The following SRBD1 variants were observed in gnomAD, a reference collection of about 807,000 sequenced individuals.
SRBD1 encodes the protein S1 RNA binding domain 1, also known as S1 RNA-binding domain-containing protein 1.
A neutral mutation model predicts 115.3 loss-of-function variants in SRBD1; 88 were observed. That is an observed-to-expected ratio of 0.76 (90% confidence interval 0.64 to 0.91). The LOEUF is 0.91. Ranked by LOEUF, SRBD1 falls within the 40% of genes least tolerant of loss-of-function variation. The pLI is 0.00. For missense variants in SRBD1, 1,385 were observed against 1,177.4 expected, an observed-to-expected ratio of 1.18 and a Z score of -2.58; for synonymous variants, 509 against 407.7, an observed-to-expected ratio of 1.25 and a Z score of -2.99.
At chr2:45,418,902 C>A (rs949621670) in intron 17 of SRBD1, among the ~76,000 whole-genome samples, 4 of 152,044 alleles carry the variant, frequency 2.6e-5, no homozygotes, top group Admixed American at 2.6e-4. Context: ...AGCATACATA[C>A]AAAGTGAGTT....
intron 7 of SRBD1, among the ~76,000 whole-genome samples, chr2:45,576,369 TAAC>T: frequency 6.6e-6 from 1 of 151,502 alleles, no homozygotes; most frequent in Non-Finnish European, 1.5e-5. Context: ...AGTAGGCTAT[TAAC>T]AATTAAGTTT....
intron 14 of SRBD1, among the ~76,000 whole-genome samples, chr2:45,503,590 C>A (rs1670704377): frequency 6.6e-6 from 1 of 152,076 alleles, no homozygotes; most frequent in Non-Finnish European, 1.5e-5. Flanking sequence ...CCAATTCATC[C>A]CTTTCTTAGT....
rs565337116 is a variant in SRBD1 at position 45,607,305 on chromosome 2, C to T, written c.1-1864G>A. 1.5e-3 allele frequency among the ~76,000 whole-genome samples: 227 copies of T among 152,104 alleles called. 1 individual carries two copies. The highest frequency in any genetic ancestry group is 5.4e-3 in the African/African-American group (224 of 41,494). On this transcript the variant is annotated intron_variant, in intron 1 of 20. Coordinates refer to ENST00000263736, the MANE Select transcript of SRBD1 (RefSeq NM_018079.5). ...CAGGGCAGGGTAAAAATGGATTATT[C>T]AATAAATGGTATTGAGACAACTAGC...
chr2:45,555,643 T>A (rs995712479), intron 10 of SRBD1, among the ~76,000 whole-genome samples: 1 of 151,826 alleles, frequency 6.6e-6, no homozygotes, highest in Non-Finnish European at 1.5e-5. Flanking sequence ...GGCGCCACCA[T>A]ACCCGGCTAA....
intron 16 of SRBD1, among the ~76,000 whole-genome samples, chr2:45,454,623 T>C (rs1470727557): frequency 6.6e-6 from 1 of 151,790 alleles, no homozygotes; most frequent in East Asian, 1.9e-4. Context: ...TTATGATTAC[T>C]TACACTCTGC....
intron 16 of SRBD1, among the ~76,000 whole-genome samples, chr2:45,433,246 T>G (rs1364774823): frequency 6.6e-6 from 1 of 152,104 alleles, no homozygotes; most frequent in Non-Finnish European, 1.5e-5. Context: ...TATACTGAAT[T>G]CCTTAAAAAT....
intron 2 of SRBD1, among the ~76,000 whole-genome samples, chr2:45,605,125 TGTAA>T (rs1462903284): frequency 6.6e-6 from 1 of 152,242 alleles, no homozygotes; most frequent in African/African-American, 2.4e-5. Context: ...TATATTCTAG[TGTAA>T]GTATTATGTT....
At chr2:45,587,232 A>C (rs979785450) in intron 4 of SRBD1, among the ~76,000 whole-genome samples, 1 of 146,204 alleles carries the variant, frequency 6.8e-6, no homozygotes, top group East Asian at 1.9e-4. Context: ...ATATTAAGAT[A>C]TTTGAAATTA....
At chr2:45,594,140 A>C (rs6544838) in intron 4 of SRBD1, among the ~76,000 whole-genome samples, 1 of 152,040 alleles carries the variant, frequency 6.6e-6, no homozygotes, top group Non-Finnish European at 1.5e-5. Flanking sequence ...AAGTGGTTCC[A>C]CCTTTATACA....
At chr2:45,478,607 G>C (rs947518191) in intron 15 of SRBD1, among the ~76,000 whole-genome samples, 5 of 152,180 alleles carry the variant, frequency 3.3e-5, no homozygotes, top group African/African-American at 1.2e-4. Context: ...GGTGATAGGA[G>C]AAATGCTTTC....
chr2:45,598,383 G>A (rs1024954869), intron 4 of SRBD1, among the ~76,000 whole-genome samples: 1 of 152,134 alleles, frequency 6.6e-6, no homozygotes, highest in Admixed American at 6.5e-5. Flanking sequence ...GGGAGGCCGA[G>A]GCGGGCAGAT....
At chr2:45,498,542 G>A (rs1403390882) in intron 14 of SRBD1, among the ~76,000 whole-genome samples, 1 of 152,044 alleles carries the variant, frequency 6.6e-6, no homozygotes, top group African/African-American at 2.4e-5. Context: ...TTTTCTTCAT[G>A]TTGAGAACAT....
chr2:45,390,706 C>G (rs1666971141), intron 20 of SRBD1, among the ~76,000 whole-genome samples: 1 of 152,160 alleles, frequency 6.6e-6, no homozygotes, highest in Admixed American at 6.6e-5. Flanking sequence ...CTTGTTAAAG[C>G]TATCCTTTAC....
At chr2:45,578,748 T>C (rs913650581) in intron 7 of SRBD1, among the ~76,000 whole-genome samples, 3 of 152,132 alleles carry the variant, frequency 2.0e-5, no homozygotes, top group African/African-American at 7.2e-5. Context: ...TGTAGCTACA[T>C]AGGCTGAAAA....
rs143766788 is a variant in SRBD1 at position 45,428,575 on chromosome 2, T to A, written c.2050-8681A>T. Among the ~76,000 whole-genome samples the A allele has an allele frequency of 9.2e-3, 1,135 of 123,406 alleles. 23 individuals carry two copies. Among genetic ancestry groups the A allele is most frequent in the African/African-American group, 0.031 (1,081 of 34,576 alleles). 81.0% of individuals were successfully genotyped at this position (123,406 alleles called of 152,430 possible). A position where few individuals can be genotyped will look rare whatever the true frequency, so the allele number is the denominator to read the frequency against. ...TCAAAAAAATAAATAAATAAATAAATAAATAAATACATAAATAAATAAATA... is the reference window on the plus strand; with the variant it reads ...TCAAAAAAATAAATAAATAAATAAAAAAATAAATACATAAATAAATAAATA... On this transcript the variant is annotated intron_variant, in intron 16 of 20. Coordinates refer to ENST00000263736, the MANE Select transcript of SRBD1 (RefSeq NM_018079.5).
At chr2:45,554,432 CT>C (rs535420470) in intron 10 of SRBD1, among the ~76,000 whole-genome samples, 10 of 152,248 alleles carry the variant, frequency 6.6e-5, no homozygotes, top group Middle Eastern at 3.4e-3. Context: ...TTCCCCCTTT[CT>C]TTATCTCTTT....
intron 16 of SRBD1, among the ~76,000 whole-genome samples, chr2:45,459,941 T>G (rs1263901097): frequency 6.6e-6 from 1 of 151,974 alleles, no homozygotes; most frequent in African/African-American, 2.4e-5. Context: ...CTCAGGGAAA[T>G]TTTCACTAAA....
rs143086689 is a variant in SRBD1, at chr2:45,487,921, G to T, written c.1966+319C>A. On this transcript the variant is annotated intron_variant, in intron 15 of 20. Transcript: ENST00000263736. ...CCTGCCTCAGCCTCCCAAAGTGCTG[G>T]GATTACAGGTTTGAGCCACCGCACC... Among the ~76,000 whole-genome samples the T allele has an allele frequency of 9.0e-3, 1,365 of 152,130 alleles. 27 individuals carry two copies. The highest frequency in any genetic ancestry group is 0.029 in the African/African-American group (1,211 of 41,512).
intron 16 of SRBD1, among the ~76,000 whole-genome samples, chr2:45,420,947 T>C (rs147986967): frequency 6.6e-6 from 1 of 152,346 alleles, no homozygotes; most frequent in Admixed American, 6.5e-5. Flanking sequence ...ATGTGCCATG[T>C]TGGTGGTAGC....
Sources: gnomAD v4.1 joint callset for allele counts (sites outside exome capture counted in the v4.1 genomes callset) on GRCh38, gnomAD v4.1.1 for gene constraint, MANE v1.5 for transcripts, NCBI Gene and HGNC (gene_info 2026-07-23, HGNC 2026-07-21) for gene names.